Variants in KRABD2 observed in about 807,000 individuals in gnomAD.
KRABD2 encodes the protein KRAB domain containing 2.
the KRABD2 span, among the ~76,000 whole-genome samples, chr17:8,361,557 G>A: frequency 6.6e-6 from 1 of 152,210 alleles, no homozygotes; most frequent in Non-Finnish European, 1.5e-5. Context: ...CCAGGTTTAA[G>A]TTGTTATCCT....
At chr17:8,369,929 A>G in the KRABD2 span, 1 of 1,614,204 alleles carries the variant, frequency 6.2e-7, no homozygotes, top group Non-Finnish European at 8.5e-7. Context: ...GATATAAGAC[A>G]ATAACTTCTT....
At chr17:8,362,261 T>C in the KRABD2 span, among the ~76,000 whole-genome samples, 2 of 150,404 alleles carry the variant, frequency 1.3e-5, no homozygotes, top group Non-Finnish European at 3.0e-5. The surrounding 1 kb of genome is among the most constrained non-coding windows in gnomAD (Gnocchi z 4.2). Flanking sequence ...ACCCGGGAGG[T>C]GGAGCTTGTA....
chr17:8,369,393 G>C, the KRABD2 span: 1 of 1,614,216 alleles, frequency 6.2e-7, no homozygotes, highest in Non-Finnish European at 8.5e-7. Context: ...TGCCTCAAAT[G>C]GACTTTGCTG....
the KRABD2 span, among the ~76,000 whole-genome samples, chr17:8,375,561 G>T: frequency 6.6e-6 from 1 of 150,440 alleles, no homozygotes; most frequent in African/African-American, 2.4e-5. Context: ...GAGAGGGTAG[G>T]GTCTCACTTT....
the KRABD2 span, among the ~76,000 whole-genome samples, chr17:8,363,800 C>CAT: frequency 4.9e-5 from 6 of 121,402 alleles, no homozygotes; most frequent in East Asian, 2.3e-4. Context: ...ATATATCATA[C>CAT]ATATATATAT....
the KRABD2 span, among the ~76,000 whole-genome samples, chr17:8,374,101 G>A: frequency 2.7e-5 from 4 of 150,886 alleles, no homozygotes; most frequent in African/African-American, 9.7e-5. Context: ...CCCCTCTGCC[G>A]GGCCGCCACC....
At chr17:8,359,890 CAA>C in the KRABD2 span, 2 of 454,342 alleles carry the variant, frequency 4.4e-6, no homozygotes, top group African/African-American at 4.0e-5. Context: ...GAGGCAAAAA[CAA>C]GAGGGGATGT....
the KRABD2 span, chr17:8,370,478 C>T: frequency 2.5e-5 from 21 of 844,566 alleles, no homozygotes; most frequent in South Asian, 3.7e-4. Context: ...ATTCTTTCAT[C>T]TAATTTTTGA....
chr17:8,371,680 T>G, the KRABD2 span: 3 of 1,405,038 alleles, frequency 2.1e-6, no homozygotes, highest in Admixed American at 8.7e-5. Flanking sequence ...TGGCCAGTTT[T>G]GACGCTGCCA....
the KRABD2 span, among the ~76,000 whole-genome samples, chr17:8,370,805 A>G: frequency 6.6e-6 from 1 of 152,202 alleles, no homozygotes; most frequent in Admixed American, 6.5e-5. Flanking sequence ...AAGGTACCAC[A>G]TAATAACAGC....
chr17:8,368,998 T>C, the KRABD2 span: 1 of 1,388,894 alleles, frequency 7.2e-7, no homozygotes, highest in East Asian at 2.5e-5. Context: ...CTTTTGTCTT[T>C]TTGAGCAAGG....
chr17:8,369,259 T>C, the KRABD2 span: 38 of 1,614,128 alleles, frequency 2.4e-5, no homozygotes, highest in Non-Finnish European at 3.2e-5. Flanking sequence ...TCCTGCCTGA[T>C]CCAAAGGCTA....
At chr17:8,372,838 A>G in the KRABD2 span, among the ~76,000 whole-genome samples, 5 of 152,206 alleles carry the variant, frequency 3.3e-5, no homozygotes, top group Non-Finnish European at 2.9e-5. This position sits in a 1 kb window ranked among gnomAD's most constrained non-coding sequence, Gnocchi z 4.1. Flanking sequence ...CCAAGGTGAG[A>G]GGATTGCTTG....
the KRABD2 span, chr17:8,376,349 G>A: frequency 1.7e-6 from 2 of 1,204,754 alleles, no homozygotes; most frequent in Non-Finnish European, 2.1e-6. Flanking sequence ...TCTACAACCC[G>A]GGGAGATGAC....
At chr17:8,359,207 C>G in the KRABD2 span, among the ~76,000 whole-genome samples, 1 of 152,230 alleles carries the variant, frequency 6.6e-6, no homozygotes, top group Admixed American at 6.5e-5. Flanking sequence ...CAGAAATGTT[C>G]TCAGTGCATC....
the KRABD2 span, among the ~76,000 whole-genome samples, chr17:8,363,826 C>CATATATATAT: frequency 7.4e-4 from 40 of 54,142 alleles, no homozygotes; most frequent in South Asian, 1.2e-3. Context: ...ATATATATAT[C>CATATATATAT]ATACATATAT....
the KRABD2 span, among the ~76,000 whole-genome samples, chr17:8,366,999 C>A: frequency 6.6e-6 from 1 of 151,736 alleles, no homozygotes; most frequent in African/African-American, 2.4e-5. Flanking sequence ...GGATTACAGG[C>A]ATGAGCCACC....
At chr17:8,363,850 TATATATATA>T in the KRABD2 span, among the ~76,000 whole-genome samples, 3 of 89,878 alleles carry the variant, frequency 3.3e-5, no homozygotes, top group Non-Finnish European at 6.8e-5. Context: ...TATATATATA[TATATATATA>T]TATTTATTTA....
At chr17:8,371,870 C>T in the KRABD2 span, 1 of 1,016,394 alleles carries the variant, frequency 9.8e-7, no homozygotes. Flanking sequence ...CAAATGGAGT[C>T]TACCTGCCAC....
Sources: allele counts gnomAD v4.1 joint callset (sites outside exome capture counted in the v4.1 genomes callset), GRCh38; gene constraint gnomAD v4.1.1; non-coding constraint Gnocchi (gnomAD v3.1); transcripts MANE v1.5; gene names NCBI Gene and HGNC (gene_info 2026-07-23, HGNC 2026-07-21).